Variants in TRAPPC6B observed in about 807,000 individuals in gnomAD.
The protein encoded by TRAPPC6B is trafficking protein particle complex subunit 6B.
TRAPPC6B carries 27 observed loss-of-function variants against 24.7 expected under a neutral mutation model. That is an observed-to-expected ratio of 1.09 (90% CI 0.81 to 1.51). The LOEUF is 1.51. Among genes scored for constraint, TRAPPC6B ranks in the 40% most tolerant of loss-of-function variants. The pLI is 0.00. For synonymous variants in TRAPPC6B, 80 were observed against 66.6 expected, an observed-to-expected ratio of 1.20 and a Z score of -0.98; for missense variants, 212 against 190.8, an observed-to-expected ratio of 1.11 and a Z score of -0.66.
chr14:39,170,111 C>T lies in TRAPPC6B; in HGVS notation c.-16G>A, dbSNP rs772067282. On this transcript the variant is annotated 5_prime_UTR_variant, in exon 1 of 6. Coordinates refer to ENST00000330149, the MANE Select transcript of TRAPPC6B (RefSeq NM_001079537.2). ...CATCCGCCATTTCCTGCTAATTCTT[C>T]CAAGCTTCGAGTTTTGGCTCCCGTT... The T allele has an allele frequency of 1.7e-5, 28 of 1,613,912 alleles. No homozygotes were observed. The East Asian group carries it at 5.8e-4, about 33-fold the overall frequency.
At chr14:39,152,361 T>C (rs2052925497) in intron 4 of TRAPPC6B, among the ~76,000 whole-genome samples, 1 of 152,166 alleles carries the variant, frequency 6.6e-6, no homozygotes, top group Admixed American at 6.6e-5. Flanking sequence ...CAACAAAGAA[T>C]TATCTGGTTG....
chr14:39,168,111 G>T (rs775312218), intron 1 of TRAPPC6B, among the ~76,000 whole-genome samples: 5 of 151,798 alleles, frequency 3.3e-5, no homozygotes, highest in Non-Finnish European at 7.4e-5. Context: ...AGATACTCAG[G>T]AGGCTGAAGC....
intron 1 of TRAPPC6B, among the ~76,000 whole-genome samples, chr14:39,166,626 G>C (rs2053111382): frequency 6.6e-6 from 1 of 150,554 alleles, no homozygotes; most frequent in Non-Finnish European, 1.5e-5. Context: ...CTTATGAGAG[G>C]GGTCTGAATT....
chr14:39,167,154 C>G (rs2139390941), intron 1 of TRAPPC6B, among the ~76,000 whole-genome samples: 1 of 152,246 alleles, frequency 6.6e-6, no homozygotes, highest in East Asian at 1.9e-4. Flanking sequence ...GAGTAGGCAC[C>G]AAATTTTTAA....
At chr14:39,155,610 CA>C (rs1315049769) in intron 3 of TRAPPC6B, among the ~76,000 whole-genome samples, 1 of 152,068 alleles carries the variant, frequency 6.6e-6, no homozygotes, top group Non-Finnish European at 1.5e-5. Flanking sequence ...GATCTAGGCT[CA>C]CTGCAACCTC....
rs912406240 is a variant in TRAPPC6B at position 39,149,045 on chromosome 14, T to C, written c.*1305A>G. On this transcript the variant is annotated 3_prime_UTR_variant, in exon 6 of 6. Coordinates refer to ENST00000330149, the MANE Select transcript of TRAPPC6B (RefSeq NM_001079537.2). ...TGGAACCACTGCCATATATGAGGTC[T>C]GTCACTGACTGAAACATCATTATAG... The C allele has an allele frequency of 3.2e-6, 1 of 309,754 alleles. No individual in the cohort carries two copies. The highest frequency in any genetic ancestry group is 5.0e-5 in the Admixed American group (1 of 20,164). 19.2% of individuals were successfully genotyped at this position (309,754 alleles called of 1,614,324 possible).
intron 4 of TRAPPC6B, among the ~76,000 whole-genome samples, chr14:39,153,654 C>T (rs1436496446): frequency 8.6e-5 from 13 of 151,090 alleles, no homozygotes; most frequent in Non-Finnish European, 1.5e-5. Flanking sequence ...AAGTGATCTA[C>T]CATACATCTA....
In TRAPPC6B at chr14:39,170,206, A is replaced by G; in HGVS notation, c.-111T>C. On this transcript the variant is annotated 5_prime_UTR_variant, in exon 1 of 6. It removes an upstream start codon present in the reference 5' UTR. Coordinates refer to ENST00000330149, the MANE Select transcript of TRAPPC6B (RefSeq NM_001079537.2). ...GGCGCCGCGGCTCCGTCAGGCCGCC[A>G]TTCTATCCCTGTGGCTAAGAGACCG... 1.0e-6 allele frequency: 1 copy of G among 989,864 alleles called. No individual in the cohort carries two copies. The highest frequency in any genetic ancestry group is 1.6e-6 in the Non-Finnish European group (1 of 643,322). 61.3% of individuals were successfully genotyped at this position (989,864 alleles called of 1,614,324 possible). A position where few individuals can be genotyped will look rare whatever the true frequency, so the allele number is the denominator to read the frequency against.
At chr14:39,150,517 T>A in intron 5 of TRAPPC6B, 136 bp from the exon 6 acceptor site, 2 of 629,438 alleles carry the variant, frequency 3.2e-6, no homozygotes, top group Non-Finnish European at 5.4e-6. Flanking sequence ...GCATTCTTCA[T>A]AATATTCAAT....
At chr14:39,154,989 G>A (rs2052958746) in intron 3 of TRAPPC6B, among the ~76,000 whole-genome samples, 1 of 152,008 alleles carries the variant, frequency 6.6e-6, no homozygotes, top group Non-Finnish European at 1.5e-5. Flanking sequence ...GTGTGGTGGT[G>A]CAATCACAGC....
intron 1 of TRAPPC6B, among the ~76,000 whole-genome samples, chr14:39,165,279 TTG>T (rs1193683595): frequency 6.6e-6 from 1 of 152,182 alleles, no homozygotes; most frequent in African/African-American, 2.4e-5. Context: ...TCTCCTGACC[TTG>T]TGATCCGCCC....
intron 2 of TRAPPC6B, 70 bp downstream of exon 2, chr14:39,159,413 A>G: frequency 9.7e-7 from 1 of 1,029,690 alleles, no homozygotes; most frequent in Non-Finnish European, 1.4e-6. Flanking sequence ...AGTTTTATGC[A>G]ATCTTTTGAA....
At chr14:39,159,747 T>C (rs930460750) in intron 1 of TRAPPC6B, among the ~76,000 whole-genome samples, 197 bp from the exon 2 acceptor site, 1 of 152,224 alleles carries the variant, frequency 6.6e-6, no homozygotes, top group African/African-American at 2.4e-5. Context: ...TTTTTACTTT[T>C]TTTTTGATAA....
At chr14:39,169,645 G>C (rs535666037) in intron 1 of TRAPPC6B, among the ~76,000 whole-genome samples, 1 of 152,134 alleles carries the variant, frequency 6.6e-6, no homozygotes, top group African/African-American at 2.4e-5. Context: ...GGTTGGCACA[G>C]GTCTGTCCAG....
intron 3 of TRAPPC6B, among the ~76,000 whole-genome samples, 161 bp downstream of exon 3, chr14:39,158,124 A>G (rs888827188): frequency 6.6e-6 from 1 of 152,218 alleles, no homozygotes; most frequent in African/African-American, 2.4e-5. Flanking sequence ...GTCTTTACTC[A>G]GTTCACACTA....
At chr14:39,150,632 GGGT>G (rs2052900199) in intron 5 of TRAPPC6B, among the ~76,000 whole-genome samples, 1 of 152,004 alleles carries the variant, frequency 6.6e-6, no homozygotes, top group East Asian at 1.9e-4. Flanking sequence ...TCCACCTCCT[GGGT>G]TCAAGTGATT....
intron 1 of TRAPPC6B, among the ~76,000 whole-genome samples, chr14:39,162,870 C>G (rs998501080): frequency 6.9e-6 from 1 of 143,900 alleles, no homozygotes; most frequent in Non-Finnish European, 1.5e-5. Context: ...CTGGCTTCAA[C>G]CTTCTGCAGA....
At chr14:39,156,996 GCTAC>G (rs2052986713) in intron 3 of TRAPPC6B, among the ~76,000 whole-genome samples, 1 of 151,780 alleles carries the variant, frequency 6.6e-6, no homozygotes, top group Non-Finnish European at 1.5e-5. Context: ...TGTAGTCCCA[GCTAC>G]CTGGGAGCCT....
intron 1 of TRAPPC6B, among the ~76,000 whole-genome samples, chr14:39,161,952 CTTT>C (rs1220995862): frequency 6.6e-6 from 1 of 152,168 alleles, no homozygotes; most frequent in African/African-American, 2.4e-5. Flanking sequence ...AGAGGGGACA[CTTT>C]TTTTCTGGCA....
Sources: allele counts gnomAD v4.1 joint callset (sites outside exome capture counted in the v4.1 genomes callset), GRCh38; gene constraint gnomAD v4.1.1; transcripts MANE v1.5; gene names NCBI Gene and HGNC (gene_info 2026-07-23, HGNC 2026-07-21).